FARP1: variants seen among roughly 807,000 people sequenced by gnomAD.
FARP1 encodes the protein FERM, ARHGEF and pleckstrin domain-containing protein 1.
In FARP1, 52 loss-of-function variants were observed where a neutral mutation model predicts 128.8. That is an observed-to-expected ratio of 0.40 (90% CI 0.32 to 0.51). The LOEUF (loss-of-function observed/expected upper bound fraction) is 0.51. FARP1 is among the 20% of genes least tolerant of loss of function. FARP1 has a pLI of 0.45. For synonymous variants in FARP1, 580 were observed against 551.8 expected (o/e 1.05, Z -0.72); for missense variants, 1,333 against 1,367.9 (o/e 0.97, Z 0.40).
chr13:98,389,252 C>T (rs1348191879), intron 9 of FARP1, among the ~76,000 whole-genome samples: 1 of 152,182 alleles, frequency 6.6e-6, no homozygotes, highest in East Asian at 1.9e-4. Context: ...AGATAAAGAA[C>T]TGCAGCACAG....
At chr13:98,186,718 G>A (rs1481084242) in intron 1 of FARP1, among the ~76,000 whole-genome samples, 8 of 152,124 alleles carry the variant, frequency 5.3e-5, no homozygotes, top group Middle Eastern at 3.4e-3. Context: ...TGGGCCGGGC[G>A]TGGTGGCTCA....
intron 2 of FARP1, among the ~76,000 whole-genome samples, chr13:98,298,729 T>A (rs1352751343): frequency 6.6e-6 from 1 of 152,160 alleles, no homozygotes; most frequent in African/African-American, 2.4e-5. Context: ...TCCCTGGCCT[T>A]CTAGGAGCTT....
At chr13:98,248,086 C>T (rs1191419478) in intron 2 of FARP1, among the ~76,000 whole-genome samples, 1 of 152,150 alleles carries the variant, frequency 6.6e-6, no homozygotes, top group Non-Finnish European at 1.5e-5. Context: ...TACCTCGGAC[C>T]TGTCTTCCCA....
rs1433353752 is a variant in FARP1, at chr13:98,143,149, CGGGCGCTCGGCTG to C, written c.-360_-348del. 1 of 147,256 alleles carries C rather than the reference CGGGCGCTCGGCTG, an allele frequency of 6.8e-6. No individual in the cohort carries two copies. Among genetic ancestry groups the C allele is most frequent in the Non-Finnish European group, 1.5e-5 (1 of 66,158 alleles). 9.1% of individuals were successfully genotyped at this position (147,256 alleles called of 1,614,324 possible). ...CGGGTCCGGCGCGGGCGCAGCGGTG[CGGGCGCTCGGCTG>C]GGGCGCGGGGCGGGGACGCGGCCGC... On this transcript the variant is annotated 5_prime_UTR_variant, in exon 1 of 27. Coordinates refer to ENST00000319562, the MANE Select transcript of FARP1 (RefSeq NM_005766.4).
At position 98,188,679 on chromosome 13, in the gene FARP1, CGGGTCCCCTGT is replaced by C. The variant is rs1245864953; in HGVS notation, c.-23-24537_-23-24527del. 2.0e-5 allele frequency among the ~76,000 whole-genome samples: 3 copies of C among 152,248 alleles called. No individual in the cohort carries two copies. In the East Asian group the frequency reaches 5.8e-4, roughly 29 times the overall value. On this transcript the variant is annotated intron_variant, in intron 1 of 26. Transcript: ENST00000319562. ...TTCCTGGGTTGCCCAGGCTGACCTG[CGGGTCCCCTGT>C]GGGCTTCACTATGGCTCTAAGGGAG... is the stretch of plus-strand genomic sequence containing the variant.
At chr13:98,417,459 A>G (rs1348048055) in intron 16 of FARP1, among the ~76,000 whole-genome samples, 5 of 99,500 alleles carry the variant, frequency 5.0e-5, no homozygotes, top group African/African-American at 2.2e-4. Context: ...AGGTTTGAAA[A>G]AAAAAAAAAA....
At chr13:98,445,972 G>T (rs1326192526) in intron 24 of FARP1, 126 bp from the exon 25 acceptor site, 2 of 636,408 alleles carry the variant, frequency 3.1e-6, no homozygotes, top group South Asian at 3.8e-5. Flanking sequence ...GGGAGCGGGG[G>T]TGGGGCCCAC....
intron 25 of FARP1, 33 bp from the exon 26 acceptor site, chr13:98,446,633 G>C: frequency 1.2e-6 from 2 of 1,610,544 alleles, no homozygotes; most frequent in Non-Finnish European, 1.7e-6. Flanking sequence ...AGCTGACCCC[G>C]AAAAGCCACT....
chr13:98,236,639 A>G (rs1882437395), intron 2 of FARP1, among the ~76,000 whole-genome samples: 1 of 152,216 alleles, frequency 6.6e-6, no homozygotes, highest in South Asian at 2.1e-4. Flanking sequence ...TATAAAATAT[A>G]TGTTGGTAGT....
At chr13:98,267,843 G>A (rs1162114052) in intron 2 of FARP1, among the ~76,000 whole-genome samples, 2 of 152,178 alleles carry the variant, frequency 1.3e-5, no homozygotes, top group Non-Finnish European at 2.9e-5. Flanking sequence ...TTAACCTGCA[G>A]TACACCTCAT....
intron 5 of FARP1, among the ~76,000 whole-genome samples, chr13:98,376,001 G>C (rs1437561625): frequency 2.0e-5 from 3 of 152,110 alleles, no homozygotes; most frequent in African/African-American, 7.2e-5. Context: ...AGGTAAACTA[G>C]ATATCTAAAA....
At chr13:98,242,110 G>A (rs1045948823) in intron 2 of FARP1, among the ~76,000 whole-genome samples, 1 of 152,036 alleles carries the variant, frequency 6.6e-6, no homozygotes, top group Non-Finnish European at 1.5e-5. Context: ...GTCTTGCATT[G>A]ACAGGCTCTG....
chr13:98,320,198 A>G (rs1886928900), intron 2 of FARP1, among the ~76,000 whole-genome samples: 2 of 152,182 alleles, frequency 1.3e-5, no homozygotes, highest in African/African-American at 4.8e-5. Context: ...GCCTGGAGTC[A>G]AGGCTCACAA....
At chr13:98,282,694 A>C (rs910216577) in intron 2 of FARP1, among the ~76,000 whole-genome samples, 15 of 152,126 alleles carry the variant, frequency 9.9e-5, no homozygotes, top group African/African-American at 2.9e-4. Flanking sequence ...CACAAAGTCA[A>C]AAGATCGAGA....
At chr13:98,206,269 C>T (rs186764365) in intron 1 of FARP1, among the ~76,000 whole-genome samples, 5 of 151,544 alleles carry the variant, frequency 3.3e-5, no homozygotes. Context: ...GGTAGTCAAC[C>T]TTGGTGGTAT....
intron 1 of FARP1, chr13:98,208,748 T>C (rs544623477): frequency 2.0e-5 from 3 of 152,810 alleles, no homozygotes; most frequent in African/African-American, 7.2e-5. Context: ...ACACGCCCTT[T>C]TAGGCCCTGG....
intron 5 of FARP1, among the ~76,000 whole-genome samples, chr13:98,376,535 G>A (rs1482999462): frequency 6.6e-6 from 1 of 152,120 alleles, no homozygotes; most frequent in African/African-American, 2.4e-5. Context: ...GGACACTTAG[G>A]TTTCCTCCAA....
intron 2 of FARP1, among the ~76,000 whole-genome samples, chr13:98,261,667 A>G (rs1282133457): frequency 3.3e-5 from 5 of 152,144 alleles, no homozygotes; most frequent in African/African-American, 4.8e-5. Flanking sequence ...AACATAGATG[A>G]TATCTTTTTG....
At chr13:98,373,148 C>T (rs776878482) in intron 5 of FARP1, among the ~76,000 whole-genome samples, 90 of 152,252 alleles carry the variant, frequency 5.9e-4, no homozygotes, top group Non-Finnish European at 1.1e-3. Flanking sequence ...TCCCAGTAAA[C>T]GTGTGTGTTT....
Sources: gnomAD v4.1 joint callset for allele counts (sites outside exome capture counted in the v4.1 genomes callset) on GRCh38, gnomAD v4.1.1 for gene constraint, MANE v1.5 for transcripts, NCBI Gene and HGNC (gene_info 2026-07-23, HGNC 2026-07-21) for gene names.